The following ACBD6 variants were observed in gnomAD, a reference collection of about 807,000 sequenced individuals.
ACBD6 encodes the protein acyl-CoA-binding domain-containing protein 6.
Under a neutral mutation model 37.2 loss-of-function variants are expected in ACBD6, and 28 were observed. The observed-to-expected ratio is 0.75, with a 90% CI of 0.56 to 1.03. ACBD6 has a LOEUF of 1.03. Ranked by LOEUF, ACBD6 falls within the 50% of genes least tolerant of loss-of-function variation. ACBD6 has a pLI of 0.00. For synonymous variants in ACBD6, 113 were observed against 126.8 expected, an observed-to-expected ratio of 0.89 and a Z score of 0.73; for missense variants, 340 against 337.4, an observed-to-expected ratio of 1.01 and a Z score of -0.06.
intron 6 of ACBD6, among the ~76,000 whole-genome samples, chr1:180,375,747 G>T (rs191179451): frequency 5.9e-5 from 9 of 152,200 alleles, no homozygotes; most frequent in Admixed American, 3.9e-4. Flanking sequence ...GAAACCATAC[G>T]AGTACTAGAA....
chr1:180,386,278 T>G (rs997612837), intron 6 of ACBD6, among the ~76,000 whole-genome samples: 1 of 152,244 alleles, frequency 6.6e-6, no homozygotes, highest in African/African-American at 2.4e-5. Flanking sequence ...TTTATCAGGA[T>G]GTAAGCCCAT....
chr1:180,416,815 CAGAT>C (rs1172466380), intron 4 of ACBD6, among the ~76,000 whole-genome samples: 1 of 152,102 alleles, frequency 6.6e-6, no homozygotes, highest in Non-Finnish European at 1.5e-5. Context: ...ATTTTCTACT[CAGAT>C]AGCATTTTCT....
intron 3 of ACBD6, among the ~76,000 whole-genome samples, chr1:180,459,370 A>G (rs1427157697): frequency 6.6e-6 from 1 of 152,190 alleles, no homozygotes; most frequent in Admixed American, 6.5e-5. Flanking sequence ...TAGCAATAGC[A>G]GCCCATAAAG....
chr1:180,419,047 C>T (rs1350300206), intron 4 of ACBD6, among the ~76,000 whole-genome samples: 3 of 152,174 alleles, frequency 2.0e-5, no homozygotes, highest in African/African-American at 4.8e-5. Flanking sequence ...GTCAGGAGAT[C>T]GAGACCATCC....
intron 3 of ACBD6, among the ~76,000 whole-genome samples, chr1:180,445,343 C>T (rs2102018898): frequency 6.6e-6 from 1 of 152,202 alleles, no homozygotes; most frequent in East Asian, 1.9e-4. Context: ...AACAACAAAT[C>T]CCCCAAACAA....
chr1:180,486,024 G>A (rs1651250910), intron 3 of ACBD6, among the ~76,000 whole-genome samples: 1 of 151,782 alleles, frequency 6.6e-6, no homozygotes, highest in Non-Finnish European at 1.5e-5. Flanking sequence ...ATAAATACAT[G>A]AATGTTGAGA....
intron 12 of ACBD6, chr1:180,273,063 T>C (rs1382559283): frequency 6.6e-6 from 1 of 152,210 alleles, no homozygotes; most frequent in Non-Finnish European, 1.5e-5. Context: ...CCCACCATGT[T>C]TTTTCATAAG....
At chr1:180,389,968 T>C (rs994385516) in intron 6 of ACBD6, among the ~76,000 whole-genome samples, 3 of 152,068 alleles carry the variant, frequency 2.0e-5, no homozygotes, top group East Asian at 3.8e-4. Flanking sequence ...TTCACTCTGA[T>C]AGTAGTTTCT....
At chr1:180,498,446 C>T (rs557225229) in intron 1 of ACBD6, among the ~76,000 whole-genome samples, 6 of 152,322 alleles carry the variant, frequency 3.9e-5, no homozygotes, top group Non-Finnish European at 7.4e-5. Flanking sequence ...TCAGAAATTA[C>T]ACAAGTGCTT....
chr1:180,271,031 T>A (rs1296890670), exon 14 of ACBD6: 1 of 365,466 alleles, frequency 2.7e-6, no homozygotes, highest in Non-Finnish European at 5.3e-6. Context: ...TGGCAAGAAC[T>A]CATGAGGATG....
intron 3 of ACBD6, among the ~76,000 whole-genome samples, chr1:180,465,382 A>G (rs183506158): frequency 2.8e-4 from 42 of 152,322 alleles, no homozygotes; most frequent in Middle Eastern, 3.4e-3. Context: ...AAAAGAAGAC[A>G]TACATGTGGC....
At chr1:180,471,088 G>C (rs917900124) in intron 3 of ACBD6, among the ~76,000 whole-genome samples, 1 of 152,122 alleles carries the variant, frequency 6.6e-6, no homozygotes, top group Non-Finnish European at 1.5e-5. Context: ...TTGCTCCTAA[G>C]TGACGCAAAT....
At chr1:180,476,615 C>T (rs935281335) in intron 3 of ACBD6, among the ~76,000 whole-genome samples, 1 of 152,166 alleles carries the variant, frequency 6.6e-6, no homozygotes, top group African/African-American at 2.4e-5. Context: ...CACCTGAGGT[C>T]GGGAGTTTGA....
In ACBD6 at chr1:180,490,961, T is replaced by TA. The variant is rs67650274; in HGVS notation, c.384+1307dup. ...TGATAGAGTGAGACTCTGTCTCATA[T>TA]AAAAAAAAAAAAAAAAAAAAAGGAC... On this transcript the variant is annotated intron_variant, in intron 3 of 7. Transcript: ENST00000367595. Among the ~76,000 whole-genome samples, 448 of 93,784 alleles carry TA rather than the reference T, an allele frequency of 4.8e-3. 1 individual carries two copies. Among genetic ancestry groups the TA allele is most frequent in the Non-Finnish European group, 6.6e-3 (311 of 46,768 alleles). The allele number at this position is 93,784 out of a possible 152,430, so 61.5% of individuals were successfully genotyped here.
At chr1:180,367,462 T>C (rs568411720) in intron 6 of ACBD6, among the ~76,000 whole-genome samples, 12 of 152,274 alleles carry the variant, frequency 7.9e-5, no homozygotes, top group South Asian at 2.1e-4. Context: ...TAGGGGTTTG[T>C]TGTACAAATT....
intron 6 of ACBD6, among the ~76,000 whole-genome samples, chr1:180,337,549 A>T (rs1198343624): frequency 5.9e-5 from 9 of 152,332 alleles, no homozygotes; most frequent in Admixed American, 1.3e-4. Context: ...CCAATATCAT[A>T]CTGAATGGGC....
At chr1:180,270,887 GC>G in exon 14 of ACBD6, 1 of 208,934 alleles carries the variant, frequency 4.8e-6, no homozygotes, top group Non-Finnish European at 1.0e-5. Flanking sequence ...CTCACCCCTG[GC>G]TGTGAGCCCA....
intron 5 of ACBD6, among the ~76,000 whole-genome samples, chr1:180,398,303 C>T (rs994256259): frequency 3.9e-5 from 6 of 152,010 alleles, no homozygotes; most frequent in African/African-American, 1.5e-4. Context: ...ATATTATGTC[C>T]ATTTCTTTTT....
At chr1:180,478,964 CAAAGAA>C (rs1264271115) in intron 3 of ACBD6, among the ~76,000 whole-genome samples, 1 of 151,886 alleles carries the variant, frequency 6.6e-6, no homozygotes, top group African/African-American at 2.4e-5. Flanking sequence ...CCATCTCTAC[CAAAGAA>C]AAAGAAAAAG....
Sources: allele counts gnomAD v4.1 joint callset (sites outside exome capture counted in the v4.1 genomes callset), GRCh38; gene constraint gnomAD v4.1.1; transcripts MANE v1.5; gene names NCBI Gene and HGNC (gene_info 2026-07-23, HGNC 2026-07-21).